Variants in HFM1 observed in about 807,000 individuals in gnomAD.
The protein encoded by HFM1 is helicase for meiosis 1.
Under a neutral mutation model 192.1 loss-of-function variants are expected in HFM1, and 169 were observed. The ratio of observed to expected loss-of-function variants is 0.88; its 90% CI spans 0.78 to 1.00. HFM1 has a LOEUF of 1.00. HFM1 is among the 50% of genes least tolerant of loss of function. The pLI, the probability that HFM1 is intolerant of heterozygous loss-of-function variation, is 0.00. For synonymous variants in HFM1, 525 were observed against 537.8 expected, an observed-to-expected ratio of 0.98 and a Z score of 0.33; for missense variants, 1,661 against 1,668.0, an observed-to-expected ratio of 1.00 and a Z score of 0.07.
In HFM1 at chr1:91,381,004, C is replaced by T. The variant is rs373479394; in HGVS notation, c.803-22G>A. On this transcript the variant is annotated intron_variant, in intron 6 of 38. Transcript: ENST00000370425. Reference sequence around the variant, plus strand: ...GCCGCTTACAATAACATTAAGGAGTCAAATATTTCAGAATTTAAAAAATTA... The same window carrying T: ...GCCGCTTACAATAACATTAAGGAGTTAAATATTTCAGAATTTAAAAAATTA... The T allele has an allele frequency of 2.8e-4, 291 of 1,037,618 alleles. 1 individual carries two copies. Among genetic ancestry groups the T allele is most frequent in the East Asian group, 1.5e-4 (6 of 41,302 alleles). The allele number at this position is 1,037,618 out of a possible 1,614,324, so 64.3% of individuals were successfully genotyped here.
At chr1:91,348,746 T>C (rs1656489893) in intron 18 of HFM1, among the ~76,000 whole-genome samples, 1 of 151,438 alleles carries the variant, frequency 6.6e-6, no homozygotes. Context: ...ATAGGGAAGC[T>C]CTGCCTCTAC....
chr1:91,287,265 G>A (rs1668103409), intron 30 of HFM1, among the ~76,000 whole-genome samples: 1 of 152,232 alleles, frequency 6.6e-6, no homozygotes, highest in African/African-American at 2.4e-5. Context: ...GTCCCTGTCT[G>A]ACAGCTTTGA....
At chr1:91,296,749 T>C (rs975522932) in intron 30 of HFM1, among the ~76,000 whole-genome samples, 3 of 152,232 alleles carry the variant, frequency 2.0e-5, no homozygotes, top group African/African-American at 4.8e-5. Context: ...TTTGTTATTC[T>C]ATTACAAGGT....
chr1:91,352,049 AT>A (rs1180553507), intron 16 of HFM1, among the ~76,000 whole-genome samples: 2 of 151,996 alleles, frequency 1.3e-5, no homozygotes, highest in East Asian at 3.9e-4. Flanking sequence ...TGACTTATTC[AT>A]GTATTTGTCA....
intron 13 of HFM1, among the ~76,000 whole-genome samples, chr1:91,356,705 TCTAGCTAGA>T (rs1657789268): frequency 8.0e-6 from 1 of 125,698 alleles, no homozygotes; most frequent in Non-Finnish European, 1.6e-5. Context: ...TAAACAAATA[TCTAGCTAGA>T]CTAAGGAAAA....
intron 16 of HFM1, 129 bp downstream of exon 16, chr1:91,352,377 T>G (rs1484694970): frequency 1.7e-6 from 1 of 605,830 alleles, no homozygotes; most frequent in African/African-American, 1.9e-5. Context: ...ATTCCTCCAC[T>G]AAAGGTAAAT....
rs866322472 is a variant in HFM1 at position 91,347,476 on chromosome 1, C to T, written c.2207G>A (p.Gly736Asp). The change falls in exon 19 of 39, where the codon GGT becomes GAT. Residue 736 changes from glycine (G) to aspartate (D), a missense_variant and splice_region_variant. By Grantham distance (94) the Gly-to-Asp change is moderately conservative. Transcript: ENST00000370425. ...IRALKNPSHYGFASGLNKDGI... is the reference protein window; with the variant it reads ...IRALKNPSHYDFASGLNKDGI... ...ATCTTTGTTCAATCCAGATGCAAAA[C>T]CTGCATGTCATGAAAAAGTAAAATA... 1.3e-6 allele frequency: 2 copies of T among 1,583,118 alleles called. No individual in the cohort carries two copies. The highest frequency in any genetic ancestry group is 1.7e-4 in the Middle Eastern group (1 of 5,968).
intron 30 of HFM1, among the ~76,000 whole-genome samples, chr1:91,286,092 T>TA (rs1410857901): frequency 6.6e-6 from 1 of 152,180 alleles, no homozygotes; most frequent in Non-Finnish European, 1.5e-5. Flanking sequence ...GTTCTTGACT[T>TA]AATAAGGAAA....
At chr1:91,265,930 A>T (rs1453672394) in intron 36 of HFM1, 87 bp downstream of exon 36, 2 of 1,532,190 alleles carry the variant, frequency 1.3e-6, no homozygotes, top group African/African-American at 2.9e-5. Flanking sequence ...AGCATCTGTG[A>T]CATCTAATAA....
At chr1:91,377,796 C>G (rs530379895) in intron 11 of HFM1, 1 of 506,848 alleles carries the variant, frequency 2.0e-6, no homozygotes, top group African/African-American at 2.0e-5. Context: ...CTGTTAGATA[C>G]TAGCAAACGA....
intron 6 of HFM1, among the ~76,000 whole-genome samples, chr1:91,383,322 T>C (rs1213204398): frequency 6.6e-6 from 1 of 152,176 alleles, no homozygotes; most frequent in Non-Finnish European, 1.5e-5. Flanking sequence ...TAAACATCTT[T>C]AACAGCTTAC....
rs534331800 is a variant in HFM1, at chr1:91,324,817, T to C, written c.2336-51A>G. On this transcript the variant is annotated intron_variant, in intron 20 of 38. Coordinates refer to ENST00000370425, the MANE Select transcript of HFM1 (RefSeq NM_001017975.6). ...CGGTCCCCTCATCAGCTGAACCAACTGTTTTTTTATGTTTAACAAACATTT... is the reference window on the plus strand; with the variant it reads ...CGGTCCCCTCATCAGCTGAACCAACCGTTTTTTTATGTTTAACAAACATTT... The C allele has an allele frequency of 2.8e-5, 26 of 924,478 alleles. 1 individual carries two copies. The South Asian group carries it at 3.3e-4, about 12-fold the overall frequency. 57.3% of individuals were successfully genotyped at this position (924,478 alleles called of 1,614,324 possible).
chr1:91,290,223 A>G (rs1380374966), intron 30 of HFM1, among the ~76,000 whole-genome samples: 1 of 152,200 alleles, frequency 6.6e-6, no homozygotes, highest in African/African-American at 2.4e-5. Context: ...ATGTACATGG[A>G]CTAAATGCTC....
intron 13 of HFM1, among the ~76,000 whole-genome samples, chr1:91,367,823 G>C (rs1256248845): frequency 6.6e-6 from 1 of 152,064 alleles, no homozygotes; most frequent in Non-Finnish European, 1.5e-5. Flanking sequence ...GAGGAAGTTT[G>C]AACCCATGGC....
At chr1:91,387,931 TA>T (rs368930286) in intron 4 of HFM1, among the ~76,000 whole-genome samples, 28,861 of 112,956 alleles carry the variant, frequency 0.26, 2,961 homozygotes, top group Non-Finnish European at 0.3. Flanking sequence ...AAAAAAAAAT[TA>T]AAAAAAAAAA....
At chr1:91,281,627 T>C (rs757639730) in intron 30 of HFM1, among the ~76,000 whole-genome samples, 29 of 152,246 alleles carry the variant, frequency 1.9e-4, no homozygotes, top group Non-Finnish European at 4.1e-4. Context: ...TTCTGAATCT[T>C]TGAATGTATT....
intron 8 of HFM1, 88 bp downstream of exon 8, chr1:91,380,016 G>A (rs1661365924): frequency 8.8e-6 from 5 of 571,118 alleles, no homozygotes; most frequent in Non-Finnish European, 1.4e-5. Context: ...AGTAATTCCT[G>A]AGGCCAGAAA....
intron 28 of HFM1, among the ~76,000 whole-genome samples, chr1:91,314,631 A>G (rs1650941686): frequency 6.6e-6 from 1 of 152,178 alleles, no homozygotes; most frequent in Non-Finnish European, 1.5e-5. Flanking sequence ...TATACTTTGT[A>G]TCAATAACAC....
chr1:91,385,269 C>CA (rs147504208), intron 5 of HFM1, 35 bp from the exon 6 acceptor site: 94,430 of 1,209,784 alleles, frequency 0.078, 4,109 homozygotes, highest in Admixed American at 0.17. Flanking sequence ...ATATAAATAT[C>CA]AAAAAAAAAT....
Sources: gnomAD v4.1 joint callset for allele counts (sites outside exome capture counted in the v4.1 genomes callset) on GRCh38, gnomAD v4.1.1 for gene constraint, MANE v1.5 for transcripts, NCBI Gene and HGNC (gene_info 2026-07-23, HGNC 2026-07-21) for gene names.